The following NLGN2 variants were observed in gnomAD, a reference collection of about 807,000 sequenced individuals.
The protein encoded by NLGN2 is neuroligin-2.
In NLGN2, 11 loss-of-function variants were observed where a neutral mutation model predicts 48.6. The ratio of observed to expected loss-of-function variants is 0.23; its 90% CI spans 0.14 to 0.37. The LOEUF is 0.37. Among genes scored for constraint, NLGN2 ranks in the 10% least tolerant of loss-of-function variants. NLGN2 has a pLI of 1.00. For synonymous variants in NLGN2, 548 were observed against 550.0 expected (o/e 1.00, Z 0.05); for missense variants, 801 against 1,225.2 (o/e 0.65, Z 5.17).
intron 1 of NLGN2, among the ~76,000 whole-genome samples, chr17:7,410,587 G>A (rs1431638652): frequency 6.6e-6 from 1 of 152,000 alleles, no homozygotes; most frequent in Non-Finnish European, 1.5e-5. Flanking sequence ...CCCCTCATGG[G>A]TGCTGTCTCG....
intron 2 of NLGN2, among the ~76,000 whole-genome samples, chr17:7,412,688 C>G (rs1906947407): frequency 1.3e-5 from 2 of 151,906 alleles, no homozygotes; most frequent in Non-Finnish European, 2.9e-5. Context: ...GCCTGTCAGA[C>G]ACAGAAAACG....
At chr17:7,412,743 A>C (rs1266376692) in intron 2 of NLGN2, among the ~76,000 whole-genome samples, 1 of 152,130 alleles carries the variant, frequency 6.6e-6, no homozygotes, top group Non-Finnish European at 1.5e-5. Context: ...TTTTTAAAAC[A>C]GGGCCCAATA....
At chr17:7,416,382 C>T (rs372400606) in intron 6 of NLGN2, among the ~76,000 whole-genome samples, 6 of 135,096 alleles carry the variant, frequency 4.4e-5, no homozygotes, top group African/African-American at 1.2e-4. Flanking sequence ...TGCCCGACCC[C>T]CCTAGGGCTC....
chr17:7,408,321 C>A lies in NLGN2; in HGVS notation c.66C>A (p.Gly22=). 7.2e-7 allele frequency: 1 copy of A among 1,393,638 alleles called. No homozygotes were observed. The highest frequency in any genetic ancestry group is 9.2e-7 in the Non-Finnish European group (1 of 1,083,240). 86.3% of individuals were successfully genotyped at this position (1,393,638 alleles called of 1,614,324 possible). A position where few individuals can be genotyped will look rare whatever the true frequency, so the allele number is the denominator to read the frequency against. The part of the protein sequence containing the change: ...AGAQRGGGGP[G]GGAPGGPGLG... ...CTCAACGCGGGGGAGGGGGTCCCGG[C>A]GGCGGCGCCCCGGGCGGCCCCGGCC... Residue 22 remains glycine, a synonymous_variant, in exon 1 of 7, where the codon GGC becomes GGA. Coordinates refer to ENST00000302926, the MANE Select transcript of NLGN2 (RefSeq NM_020795.4). The surrounding 1 kb of genome is among the most constrained non-coding windows in gnomAD (Gnocchi z 7.5).
rs1456332599 is a variant in NLGN2 at position 7,409,513 on chromosome 17, A to T, written c.457+801A>T. 2.0e-5 allele frequency among the ~76,000 whole-genome samples: 3 copies of T among 152,192 alleles called. No individual in the cohort carries two copies. The East Asian group carries it at 5.8e-4, about 29-fold the overall frequency. On this transcript the variant is annotated intron_variant, in intron 1 of 6. Coordinates refer to ENST00000302926, the MANE Select transcript of NLGN2 (RefSeq NM_020795.4). Reference sequence around the variant, plus strand: ...TTCCAGAGTGTGAACAGGGTGCAATAGGTGGATTCCAGCCATCTCAGCAGA... The same window carrying T: ...TTCCAGAGTGTGAACAGGGTGCAATTGGTGGATTCCAGCCATCTCAGCAGA...
Position 7,417,453 on chromosome 17 carries a change from G to C in NLGN2, c.2162G>C (p.Gly721Ala). 1 of 1,572,556 alleles carries C rather than the reference G, an allele frequency of 6.4e-7. No homozygotes were observed. The highest frequency in any genetic ancestry group is 8.6e-7 in the Non-Finnish European group (1 of 1,162,570). ...RLSPPGGSGS[G>A]VPGGGPLLPA... ...AGCCCACCTGGCGGCTCAGGCTCTG[G>C]CGTGCCTGGTGGGGGCCCCCTGCTC... The change falls in exon 7 of 7, where the codon GGC becomes GCC. Residue 721 changes from glycine (G) to alanine (A), a missense_variant. Gly to Ala is a moderately conservative substitution (Grantham distance 60). Transcript: ENST00000302926.
chr17:7,405,637 G>A (rs1404300229), upstream of NLGN2: 1 of 152,964 alleles, frequency 6.5e-6, no homozygotes, highest in Non-Finnish European at 1.5e-5. This position sits in a 1 kb window ranked among gnomAD's most constrained non-coding sequence, Gnocchi z 6.8. Context: ...GTCGGTGGAG[G>A]GGGCTGCGTG....
Position 7,418,527 on chromosome 17 carries a change from C to T in NLGN2, c.*728C>T, listed in dbSNP as rs1013469175. 2.0e-5 allele frequency: 3 copies of T among 152,250 alleles called. No homozygotes were observed. The highest frequency in any genetic ancestry group is 4.8e-5 in the African/African-American group (2 of 41,434). The allele number at this position is 152,250 out of a possible 1,614,324, so 9.4% of individuals were successfully genotyped here. A position where few individuals can be genotyped will look rare whatever the true frequency, so the allele number is the denominator to read the frequency against. ...TGATGCTGCCTGGAAGCTTATTTTC[C>T]CGTGGCCAGGACGCATTTCTCTGAG... is the stretch of plus-strand genomic sequence containing the variant. On this transcript the variant is annotated 3_prime_UTR_variant, in exon 7 of 7. Coordinates refer to ENST00000302926, the MANE Select transcript of NLGN2 (RefSeq NM_020795.4).
chr17:7,414,534 G>A (rs774608240), intron 3 of NLGN2, 41 bp downstream of exon 3: 9 of 1,612,018 alleles, frequency 5.6e-6, no homozygotes, highest in Middle Eastern at 1.7e-4. Context: ...GGGGAGTCTG[G>A]GAGGTGGGCC....
At position 7,417,742 on chromosome 17, in the gene NLGN2, C is replaced by G; in HGVS notation, c.2451C>G (p.Pro817=). ...TCGGGCCCTTCCCCCCGCCCCCTCC[C>G]ACCGCCACCAGCCACAACAACACGC... ...HPFGPFPPPP[P]TATSHNNTLP... Residue 817 remains proline, a synonymous_variant, in exon 7 of 7, where the codon CCC becomes CCG. Transcript: ENST00000302926. The G allele has an allele frequency of 8.1e-7, 1 of 1,231,764 alleles. No homozygotes were observed. The highest frequency in any genetic ancestry group is 1.1e-6 in the Non-Finnish European group (1 of 944,386). 76.3% of individuals were successfully genotyped at this position (1,231,764 alleles called of 1,614,324 possible).
At chr17:7,412,093 C>G in intron 1 of NLGN2, 64 bp from the exon 2 acceptor site, 1 of 1,073,092 alleles carries the variant, frequency 9.3e-7, no homozygotes, top group Non-Finnish European at 1.4e-6. Context: ...CACCACCTCC[C>G]CCCGACCCCC....
chr17:7,418,914 C>G lies in NLGN2; in HGVS notation c.*1115C>G, dbSNP rs1907267637. On this transcript the variant is annotated 3_prime_UTR_variant, in exon 7 of 7. Transcript: ENST00000302926. ...GAGCGGAAAGACTCCCAAAATGTGC[C>G]AAGAATTTCCCAGTCCCAGGCAGGG... 6.6e-6 allele frequency: 1 copy of G among 152,634 alleles called. No individual in the cohort carries two copies. Among genetic ancestry groups the G allele is most frequent in the Non-Finnish European group, 1.5e-5 (1 of 68,118 alleles). 9.5% of individuals were successfully genotyped at this position (152,634 alleles called of 1,614,324 possible).
At chr17:7,407,280 G>A (rs1040654320), upstream of NLGN2, among the ~76,000 whole-genome samples, 9 of 152,174 alleles carry the variant, frequency 5.9e-5, no homozygotes, top group Non-Finnish European at 1.0e-4. Flanking sequence ...GCAGGATCAC[G>A]CATCTGTCCC....
Position 7,408,530 on chromosome 17 carries a change from C to T in NLGN2, c.275C>T (p.Ser92Leu). 1 of 1,533,666 alleles carries T rather than the reference C, an allele frequency of 6.5e-7. No individual in the cohort carries two copies. Among genetic ancestry groups the T allele is most frequent in the Non-Finnish European group, 8.7e-7 (1 of 1,143,364 alleles). The change falls in exon 1 of 7, where the codon TCG becomes TTG. Residue 92 changes from serine (S) to leucine (L), a missense_variant. Transcript: ENST00000302926. The surrounding 1 kb of genome is among the most constrained non-coding windows in gnomAD (Gnocchi z 7.5). ...TTCCAGCCGCCTGAGGCGCCCGCCT[C>T]GTGGCCCGGCGTGCGCAACGCCACC... ...RRFQPPEAPA[S>L]WPGVRNATTL...
chr17:7,417,868 C>T lies in NLGN2; in HGVS notation c.*69C>T. 1 of 1,338,604 alleles carries T rather than the reference C, an allele frequency of 7.5e-7. No individual in the cohort carries two copies. Among genetic ancestry groups the T allele is most frequent in the South Asian group, 2.2e-5 (1 of 45,076 alleles). The allele number at this position is 1,338,604 out of a possible 1,614,324, so 82.9% of individuals were successfully genotyped here. A position where few individuals can be genotyped will look rare whatever the true frequency, so the allele number is the denominator to read the frequency against. The stretch of plus-strand genomic sequence containing the variant: ...GCCACTCCGAAGGCAGGGAGGAGGA[C>T]TTGGCAACTGGCTTTTCTCCTGTGG... On this transcript the variant is annotated 3_prime_UTR_variant, in exon 7 of 7. Transcript: ENST00000302926.
chr17:7,412,765 C>T (rs1906950533), intron 2 of NLGN2, among the ~76,000 whole-genome samples: 1 of 151,794 alleles, frequency 6.6e-6, no homozygotes, highest in African/African-American at 2.4e-5. Flanking sequence ...CTTGAAGTTT[C>T]ACCACAAAAT....
Position 7,415,529 on chromosome 17 carries a change from G to T in NLGN2, c.1056G>T (p.Gly352=). 1.2e-6 allele frequency: 2 copies of T among 1,614,246 alleles called. No individual in the cohort carries two copies. The highest frequency in any genetic ancestry group is 1.7e-6 in the Non-Finnish European group (2 of 1,180,036). ...TCCCCAGCTACCACATCGCCTTTGG[G>T]CCCGTGGTGGATGGCGACGTGGTCC... is the stretch of plus-strand genomic sequence containing the variant. ...VQPARYHIAF[G]PVVDGDVVPD... is the part of the protein sequence containing the mutation. The change falls in exon 6 of 7, where the codon GGG becomes GGT. Residue 352 remains glycine, a synonymous_variant. Coordinates refer to ENST00000302926, the MANE Select transcript of NLGN2 (RefSeq NM_020795.4).
rs994956773 is a variant in NLGN2, at chr17:7,417,053, C to A, written c.1762C>A (p.Arg588Ser). 6.2e-7 allele frequency: 1 copy of A among 1,614,100 alleles called. No individual in the cohort carries two copies. Among genetic ancestry groups the A allele is most frequent in the Non-Finnish European group, 8.5e-7 (1 of 1,180,026 alleles). The change falls in exon 7 of 7, where the codon CGC (arginine) becomes AGC (serine). Residue 588 changes from arginine to serine, a missense_variant. Around this residue, in one of 5 missense-constraint regions of NLGN2, gnomAD observed 303 missense variants for 600.1 expected, o/e 0.50. Transcript: ENST00000302926. ...GTATCTGCACATAGGCCTGAAGCCA[C>A]GCGTGCGTGACAACTACCGCGCCAA... ...KQYLHIGLKP[R>S]VRDNYRANKV...
At chr17:7,409,812 A>T (rs943526679) in intron 1 of NLGN2, among the ~76,000 whole-genome samples, 1 of 152,090 alleles carries the variant, frequency 6.6e-6, no homozygotes, top group African/African-American at 2.4e-5. Context: ...CAACCTGTAC[A>T]CTGACCTTGT....
Sources: allele counts gnomAD v4.1 joint callset (sites outside exome capture counted in the v4.1 genomes callset), GRCh38; gene constraint gnomAD v4.1.1; regional missense constraint gnomAD v4.1.1; non-coding constraint Gnocchi (gnomAD v3.1); transcripts MANE v1.5; gene names NCBI Gene and HGNC (gene_info 2026-07-23, HGNC 2026-07-21).